The following ZNF320 variants were observed in gnomAD, a reference collection of about 807,000 sequenced individuals.
ZNF320 encodes the protein zinc finger gene 320.
A neutral mutation model predicts 6.8 loss-of-function variants in ZNF320; 2 were observed. The observed-to-expected ratio is 0.29, with a 90% CI of 0.12 to 0.93. The LOEUF (loss-of-function observed/expected upper bound fraction) is 0.93. Among genes scored for constraint, ZNF320 ranks in the 40% least tolerant of loss-of-function variants. The pLI, the probability that ZNF320 is intolerant of heterozygous loss-of-function variation, is 0.55. For missense variants in ZNF320, 472 were observed against 611.0 expected (o/e 0.77, Z 2.40); for synonymous variants, 208 against 203.2 (o/e 1.02, Z -0.20).
At chr19:52,895,042 T>G (rs2064429768) in intron 1 of ZNF320, 1 of 152,212 alleles carries the variant, frequency 6.6e-6, no homozygotes, top group African/African-American at 2.4e-5. Context: ...CTGCAAGGAA[T>G]ATTATGAACC....
Position 52,881,799 on chromosome 19 carries a change from A to G in ZNF320, c.327T>C (p.His109=). ...FQWQEDETND[H]EAPMTEIKKL... ...TTTTTATTTCTGTCATGGGTGCTTC[A>G]TGGTCATTTGTTTCATCTTCTTGCC... The change falls in exon 6 of 6, where the codon CAT becomes CAC. Residue 109 remains histidine (H), a synonymous_variant. Transcript: ENST00000682928. 6.2e-7 allele frequency: 1 copy of G among 1,613,822 alleles called. No homozygotes were observed. Among genetic ancestry groups the G allele is most frequent in the African/African-American group, 1.3e-5 (1 of 75,026 alleles).
intron 5 of ZNF320, among the ~76,000 whole-genome samples, chr19:52,869,752 C>T (rs1185800119): frequency 6.6e-6 from 1 of 151,780 alleles, no homozygotes; most frequent in Non-Finnish European, 1.5e-5. Flanking sequence ...GTCTTCCTCT[C>T]TCACCCAGGC....
chr19:52,865,865 CAT>C (rs1214228838), intron 5 of ZNF320, among the ~76,000 whole-genome samples: 6 of 114,152 alleles, frequency 5.3e-5, no homozygotes, highest in African/African-American at 1.7e-4. Flanking sequence ...ATATATTATA[CAT>C]ATATATTTAT....
intron 5 of ZNF320, among the ~76,000 whole-genome samples, chr19:52,864,440 C>T (rs2063509494): frequency 6.6e-6 from 1 of 152,120 alleles, no homozygotes; most frequent in South Asian, 2.1e-4. Flanking sequence ...ACTTGATATT[C>T]ATTATCTGGA....
intron 1 of ZNF320, chr19:52,895,842 C>T (rs1296759110): frequency 2.0e-5 from 3 of 151,644 alleles, no homozygotes. Flanking sequence ...AAGAAACAAC[C>T]TAAAATCATT....
upstream of ZNF320, among the ~76,000 whole-genome samples, chr19:52,898,142 G>A (rs937734114): frequency 6.6e-6 from 1 of 152,210 alleles, no homozygotes; most frequent in Non-Finnish European, 1.5e-5. Flanking sequence ...CTGCCTCAGC[G>A]AAACCTCCAA....
exon 6 of ZNF320, chr19:52,861,756 T>C: frequency 3.0e-6 from 1 of 338,780 alleles, no homozygotes; most frequent in South Asian, 3.1e-5. Context: ...TCATTGCCTG[T>C]GCATCAATTA....
chr19:52,866,168 T>TTA (rs1446215363), intron 5 of ZNF320, among the ~76,000 whole-genome samples: 1 of 93,472 alleles, frequency 1.1e-5, no homozygotes, highest in Admixed American at 1.1e-4. Context: ...ATACATATAT[T>TTA]TATATATATG....
intron 5 of ZNF320, chr19:52,865,552 T>A (rs1671841559): frequency 8.3e-6 from 1 of 120,976 alleles, no homozygotes; most frequent in Admixed American, 8.9e-5. Flanking sequence ...TATACATATA[T>A]ATTTATATGA....
At chr19:52,869,135 C>G (rs1403900735) in intron 5 of ZNF320, among the ~76,000 whole-genome samples, 3 of 151,886 alleles carry the variant, frequency 2.0e-5, no homozygotes, top group Admixed American at 6.6e-5. Context: ...CTAGGATAGA[C>G]CAAATCTTGA....
At chr19:52,875,775 A>G (rs1215166019), downstream of ZNF320, among the ~76,000 whole-genome samples, 5 of 150,792 alleles carry the variant, frequency 3.3e-5, no homozygotes, top group African/African-American at 1.2e-4. Flanking sequence ...GTGACACTCC[A>G]TCTCAAAAAA....
In ZNF320 at chr19:52,896,510, A is replaced by T. The variant is rs903767088; in HGVS notation, c.-270+1010T>A. ...GATCGCTTGAGCCCTGGAGTTGGAG[A>T]CCAGCCTGAGCAACAAGGCAAAAGC... is the stretch of plus-strand genomic sequence containing the variant. On this transcript the variant is annotated intron_variant, in intron 1 of 5. Transcript: ENST00000682928. Among the ~76,000 whole-genome samples, 8 of 152,066 alleles carry T rather than the reference A, an allele frequency of 5.3e-5. No individual in the cohort carries two copies. The East Asian group carries it at 1.6e-3, about 30-fold the overall frequency.
intron 5 of ZNF320, among the ~76,000 whole-genome samples, chr19:52,868,591 A>G (rs533794051): frequency 2.4e-4 from 37 of 152,240 alleles, no homozygotes; most frequent in East Asian, 5.8e-4. Flanking sequence ...GTGTTCATGT[A>G]CATGACCCCA....
At chr19:52,893,912 C>A (rs2064390083) in intron 1 of ZNF320, 56 bp from the exon 2 acceptor site, 1 of 151,954 alleles carries the variant, frequency 6.6e-6, no homozygotes, top group Non-Finnish European at 1.5e-5. Flanking sequence ...TGGAAGCTCA[C>A]TGAATTAAGA....
In ZNF320 at chr19:52,881,155, G is replaced by A. The variant is rs377398310; in HGVS notation, c.971C>T (p.Thr324Ile). The A allele has an allele frequency of 1.2e-6, 2 of 1,614,026 alleles. No individual in the cohort carries two copies. Among genetic ancestry groups the A allele is most frequent in the South Asian group, 1.1e-5 (1 of 91,082 alleles). The change falls in exon 6 of 6, where the codon ACT (threonine) becomes ATT (isoleucine). Residue 324 changes from threonine to isoleucine, a missense_variant. Transcript: ENST00000682928. Reference protein sequence around the residue: ...ATLAGHRRVHTGEKPYRCEEC... With the variant: ...ATLAGHRRVHIGEKPYRCEEC... ...TTCACATCTGTAAGGTTTCTCTCCA[G>A]TGTGAACTCTACGATGTCCTGCAAG...
exon 6 of ZNF320, chr19:52,861,873 C>A: frequency 2.6e-6 from 1 of 382,966 alleles, no homozygotes. Context: ...TTCTCTGATG[C>A]CTAATGACTT....
exon 6 of ZNF320, among the ~76,000 whole-genome samples, chr19:52,863,245 T>C (rs923993809): frequency 1.3e-5 from 2 of 152,168 alleles, no homozygotes; most frequent in African/African-American, 4.8e-5. Context: ...ATGAAATATA[T>C]AACACATAGA....
At position 52,863,115 on chromosome 19, in the gene ZNF320, A is replaced by G. The variant is rs551122432; in HGVS notation, c.*914T>C. Among the ~76,000 whole-genome samples, 32 of 152,268 alleles carry G rather than the reference A, an allele frequency of 2.1e-4. No individual in the cohort carries two copies. The East Asian group carries it at 5.8e-3, about 28-fold the overall frequency. ...GCTGGGACTGCAGGTGCACACCACCATGCCTGGCTAAGTTTTGTATTTTTA... is the reference window on the plus strand; with the variant it reads ...GCTGGGACTGCAGGTGCACACCACCGTGCCTGGCTAAGTTTTGTATTTTTA... On this transcript the variant is annotated 3_prime_UTR_variant, in exon 6 of 6. Coordinates refer to the ZNF320 transcript ENST00000673631.
exon 6 of ZNF320, chr19:52,861,708 G>T: frequency 4.0e-6 from 1 of 251,294 alleles, no homozygotes; most frequent in South Asian, 6.0e-5. Flanking sequence ...ATGCTGAATT[G>T]ACTCTAATGA....
Sources: allele counts gnomAD v4.1 joint callset (sites outside exome capture counted in the v4.1 genomes callset), GRCh38; gene constraint gnomAD v4.1.1; transcripts MANE v1.5; gene names NCBI Gene and HGNC (gene_info 2026-07-23, HGNC 2026-07-21).